Variants in NR2F1-AS1 observed in about 807,000 individuals in gnomAD.
NR2F1-AS1 encodes NR2F1 antisense RNA 1.
chr5:93,581,175 C>T (rs1753019793), upstream of NR2F1-AS1: 1 of 152,306 alleles, frequency 6.6e-6, no homozygotes, highest in Admixed American at 6.5e-5. Flanking sequence ...TTACTTCCAC[C>T]TTTACCTGAG....
chr5:93,505,551 ATCT>A (rs1279655762), intron 4 of NR2F1-AS1, among the ~76,000 whole-genome samples: 1 of 152,150 alleles, frequency 6.6e-6, no homozygotes, highest in Admixed American at 6.5e-5. Flanking sequence ...GTTTCCACAC[ATCT>A]TCTGAAATCC....
intron 4 of NR2F1-AS1, among the ~76,000 whole-genome samples, chr5:93,531,395 C>T (rs1004637135): frequency 2.6e-5 from 4 of 152,182 alleles, no homozygotes; most frequent in Non-Finnish European, 4.4e-5. Context: ...CCCACCTATG[C>T]GTATCCTCAT....
In NR2F1-AS1 at chr5:93,575,959, C is replaced by G. The variant is rs376553334; in HGVS notation, n.313+4508G>C. ...CTTTAAGTACATGTGTGCAGAGATT[C>G]AGTTCTATGAAAGCTCAGCTAGCTG... On this transcript the variant is annotated intron_variant and non_coding_transcript_variant, in intron 1 of 5. Transcript: ENST00000660523. Among the ~76,000 whole-genome samples the G allele has an allele frequency of 1.1e-4, 16 of 152,302 alleles. No homozygotes were observed. The East Asian group carries it at 2.3e-3, about 22-fold the overall frequency.
intron 4 of NR2F1-AS1, among the ~76,000 whole-genome samples, chr5:93,419,312 G>A (rs1749037199): frequency 6.6e-6 from 1 of 152,096 alleles, no homozygotes. Context: ...GTGTACAAAG[G>A]GAAATTACAT....
intron 4 of NR2F1-AS1, among the ~76,000 whole-genome samples, chr5:93,454,057 T>C (rs1473849638): frequency 1.3e-5 from 2 of 152,182 alleles, no homozygotes; most frequent in Non-Finnish European, 1.5e-5. Flanking sequence ...CAGGATTGCT[T>C]GAGCCCAGGA....
At chr5:93,431,645 AG>A (rs1749326803) in intron 4 of NR2F1-AS1, among the ~76,000 whole-genome samples, 1 of 152,216 alleles carries the variant, frequency 6.6e-6, no homozygotes, top group Non-Finnish European at 1.5e-5. Flanking sequence ...AATGGTGCAT[AG>A]GTCTTTTGCA....
intron 4 of NR2F1-AS1, among the ~76,000 whole-genome samples, chr5:93,551,517 T>C (rs948934602): frequency 3.3e-5 from 5 of 152,138 alleles, no homozygotes; most frequent in Non-Finnish European, 5.9e-5. Flanking sequence ...TACTGAGCCA[T>C]GTAAGAATGT....
At chr5:93,437,751 T>C (rs932014220) in intron 4 of NR2F1-AS1, among the ~76,000 whole-genome samples, 2 of 152,242 alleles carry the variant, frequency 1.3e-5, no homozygotes, top group African/African-American at 4.8e-5. Flanking sequence ...GCTGTAACTA[T>C]CTTACAAGCA....
intron 4 of NR2F1-AS1, among the ~76,000 whole-genome samples, chr5:93,430,934 GA>G (rs1482031696): frequency 6.8e-6 from 1 of 147,010 alleles, no homozygotes; most frequent in Non-Finnish European, 1.5e-5. Context: ...TGCCTGCCAG[GA>G]AATCCTAAGG....
chr5:93,523,243 C>G (rs374744179), intron 4 of NR2F1-AS1, among the ~76,000 whole-genome samples: 3 of 152,126 alleles, frequency 2.0e-5, no homozygotes, highest in East Asian at 3.9e-4. Flanking sequence ...GAAGTTCCAA[C>G]TGGATGGAGC....
chr5:93,539,960 A>G (rs1751916624), intron 4 of NR2F1-AS1, among the ~76,000 whole-genome samples: 1 of 152,238 alleles, frequency 6.6e-6, no homozygotes, highest in Admixed American at 6.5e-5. Flanking sequence ...GTCTCAAGAT[A>G]CTAAGACAAC....
chr5:93,575,375 A>G (rs12652461), intron 1 of NR2F1-AS1, among the ~76,000 whole-genome samples: 2,702 of 152,354 alleles, frequency 0.018, 75 homozygotes, highest in Admixed American at 0.06. Flanking sequence ...TTTAACCAGC[A>G]TGTGAGACTT....
At chr5:93,464,784 A>G (rs1243205851) in intron 4 of NR2F1-AS1, among the ~76,000 whole-genome samples, 1 of 152,234 alleles carries the variant, frequency 6.6e-6, no homozygotes, top group Non-Finnish European at 1.5e-5. Flanking sequence ...CCACAAAACA[A>G]TATTTACTGA....
At chr5:93,503,870 G>C (rs1751133120) in intron 4 of NR2F1-AS1, among the ~76,000 whole-genome samples, 1 of 151,198 alleles carries the variant, frequency 6.6e-6, no homozygotes, top group South Asian at 2.1e-4. Flanking sequence ...CCCTTTACTG[G>C]TATTGCTTTG....
intron 4 of NR2F1-AS1, among the ~76,000 whole-genome samples, chr5:93,506,254 T>TG (rs1751183338): frequency 6.6e-6 from 1 of 152,180 alleles, no homozygotes; most frequent in African/African-American, 2.4e-5. Flanking sequence ...GTCTGGACCT[T>TG]ATTGTTCATA....
intron 4 of NR2F1-AS1, among the ~76,000 whole-genome samples, chr5:93,467,586 TC>T (rs1750266834): frequency 6.6e-6 from 1 of 152,244 alleles, no homozygotes; most frequent in East Asian, 1.9e-4. Context: ...TATTTCAGTT[TC>T]CTCATCTCAA....
At chr5:93,431,956 T>C (rs1749334784) in intron 4 of NR2F1-AS1, among the ~76,000 whole-genome samples, 2 of 152,212 alleles carry the variant, frequency 1.3e-5, no homozygotes, top group Admixed American at 1.3e-4. Flanking sequence ...ATTTTTCTGA[T>C]CTTCTTTAAA....
chr5:93,471,954 T>C (rs766773524), intron 4 of NR2F1-AS1, among the ~76,000 whole-genome samples: 3 of 151,878 alleles, frequency 2.0e-5, no homozygotes, highest in Non-Finnish European at 4.4e-5. Flanking sequence ...GAAAAAGGTA[T>C]AGAACCAATA....
intron 4 of NR2F1-AS1, among the ~76,000 whole-genome samples, chr5:93,477,485 CCT>C (rs1177981876): frequency 6.6e-6 from 1 of 152,110 alleles, no homozygotes; most frequent in African/African-American, 2.4e-5. Context: ...ATCACAACCC[CCT>C]TTCTGCAGTT....
Sources: gnomAD v4.1 joint callset for allele counts (sites outside exome capture counted in the v4.1 genomes callset) on GRCh38, gnomAD v4.1.1 for gene constraint, MANE v1.5 for transcripts, NCBI Gene and HGNC (gene_info 2026-07-23, HGNC 2026-07-21) for gene names.